Variants in VAMP7 observed in about 807,000 individuals in gnomAD.
VAMP7 encodes vesicle associated membrane protein 7.
In VAMP7, 14 loss-of-function variants were observed where a neutral mutation model predicts 29.6. The ratio of observed to expected loss-of-function variants is 0.47; its 90% CI spans 0.31 to 0.74. VAMP7 has a LOEUF of 0.74. Among genes scored for constraint, VAMP7 ranks in the 30% least tolerant of loss-of-function variants. The pLI, the probability that VAMP7 is intolerant of heterozygous loss-of-function variation, is 0.05. For synonymous variants in VAMP7, 95 were observed against 88.1 expected (o/e 1.08, Z -0.44); for missense variants, 223 against 262.4 (o/e 0.85, Z 1.04).
At chrX:155,899,542 G>GCACACA (rs34027276) in intron 4 of VAMP7, among the ~76,000 whole-genome samples, 3 of 150,334 alleles carry the variant, frequency 2.0e-5, no homozygotes, top group African/African-American at 4.9e-5. Context: ...TAAATTTTAT[G>GCACACA]CACACACACA....
intron 2 of VAMP7, among the ~76,000 whole-genome samples, chrX:155,892,246 C>T (rs186508959): frequency 6.6e-6 from 1 of 152,062 alleles, no homozygotes; most frequent in South Asian, 2.1e-4. Flanking sequence ...CTGTTCTCCC[C>T]CTAAGCCTCC....
chrX:155,938,498 C>T (rs1460037298), intron 6 of VAMP7, among the ~76,000 whole-genome samples: 2 of 152,138 alleles, frequency 1.3e-5, no homozygotes, highest in East Asian at 1.9e-4. Context: ...AAGCATACAA[C>T]TTGTTGTGTT....
chrX:155,908,919 A>C (rs2376578), intron 5 of VAMP7, among the ~76,000 whole-genome samples: 91,381 of 151,628 alleles, frequency 0.6, 27,610 homozygotes, highest in East Asian at 0.67. Flanking sequence ...TCCTGGGCTC[A>C]GGTAATCTTC....
rs759887584 is a variant in VAMP7, at chrX:155,942,077, T to C, written c.*126T>C. 6.4e-7 allele frequency: 1 copy of C among 1,572,572 alleles called. No homozygotes were observed. Among genetic ancestry groups the C allele is most frequent in the East Asian group, 2.4e-5 (1 of 42,290 alleles). ...AGTCTCTTCAACCCTCTTCTCACTT[T>C]TTAAAATCTTGTTCCATGCCTCCAG... On this transcript the variant is annotated 3_prime_UTR_variant, in exon 8 of 8. Coordinates refer to ENST00000286448, the MANE Select transcript of VAMP7 (RefSeq NM_005638.6).
intron 1 of VAMP7, among the ~76,000 whole-genome samples, chrX:155,886,647 C>T (rs2065869013): frequency 6.6e-6 from 1 of 152,132 alleles, no homozygotes; most frequent in Non-Finnish European, 1.5e-5. Context: ...ATCTCCATGT[C>T]TCTCACCCAT....
chrX:155,920,907 A>G (rs745826200), intron 6 of VAMP7, among the ~76,000 whole-genome samples: 2 of 152,278 alleles, frequency 1.3e-5, no homozygotes, highest in East Asian at 3.9e-4. Flanking sequence ...AGGAGTTTAT[A>G]AACAGTTTTT....
At chrX:155,910,005 T>A (rs2066214141) in intron 5 of VAMP7, among the ~76,000 whole-genome samples, 1 of 152,096 alleles carries the variant, frequency 6.6e-6, no homozygotes, top group Non-Finnish European at 1.5e-5. Context: ...TTGTTAACTT[T>A]AGTCACCCTA....
chrX:155,893,275 C>T (rs1249511847), intron 2 of VAMP7, among the ~76,000 whole-genome samples: 2 of 152,048 alleles, frequency 1.3e-5, no homozygotes, highest in Non-Finnish European at 2.9e-5. Context: ...GTCTAGTAGA[C>T]AGTAGTGTAG....
chrX:155,931,480 C>T (rs1308560304), intron 6 of VAMP7, among the ~76,000 whole-genome samples: 1 of 152,136 alleles, frequency 6.6e-6, no homozygotes, highest in East Asian at 1.9e-4. Flanking sequence ...AGCATTTTTT[C>T]ATGTGTCTGT....
chrX:155,904,128 T>C (rs1176585826), intron 5 of VAMP7, among the ~76,000 whole-genome samples: 1 of 144,422 alleles, frequency 6.9e-6, no homozygotes, highest in Non-Finnish European at 1.5e-5. Context: ...CACCGCATGT[T>C]CTCACTCATA....
intron 5 of VAMP7, among the ~76,000 whole-genome samples, chrX:155,917,017 T>C (rs1231230400): frequency 2.6e-5 from 4 of 152,184 alleles, no homozygotes; most frequent in African/African-American, 9.6e-5. Context: ...TTTGGTCTTT[T>C]CATATAGTCC....
intron 6 of VAMP7, among the ~76,000 whole-genome samples, chrX:155,939,322 C>T (rs1311577966): frequency 6.6e-6 from 1 of 152,098 alleles, no homozygotes; most frequent in African/African-American, 2.4e-5. Flanking sequence ...GGCTCAAAGC[C>T]CCGGAATTAT....
At chrX:155,909,441 G>A (rs2066202072) in intron 5 of VAMP7, among the ~76,000 whole-genome samples, 1 of 151,988 alleles carries the variant, frequency 6.6e-6, no homozygotes, top group South Asian at 2.1e-4. Context: ...TGGTTTCATA[G>A]ATTTTTTTTC....
At chrX:155,934,592 G>T (rs1001063370) in intron 6 of VAMP7, among the ~76,000 whole-genome samples, 52 of 152,168 alleles carry the variant, frequency 3.4e-4, no homozygotes, top group African/African-American at 1.2e-3. Context: ...GCCTATGTGT[G>T]TCTCTGCACA....
intron 6 of VAMP7, among the ~76,000 whole-genome samples, chrX:155,932,839 G>T (rs1219334974): frequency 1.3e-5 from 2 of 152,068 alleles, no homozygotes; most frequent in Non-Finnish European, 2.9e-5. Flanking sequence ...TATTGGCTGT[G>T]GGTTTGTCAT....
chrX:155,899,599 G>T (rs1337635724), intron 4 of VAMP7, among the ~76,000 whole-genome samples: 5 of 151,720 alleles, frequency 3.3e-5, no homozygotes, highest in African/African-American at 1.2e-4. Context: ...CTTTAAATTG[G>T]TTACTTATAA....
intron 5 of VAMP7, among the ~76,000 whole-genome samples, chrX:155,913,366 C>T (rs2066265709): frequency 6.6e-6 from 1 of 152,076 alleles, no homozygotes; most frequent in Non-Finnish European, 1.5e-5. Context: ...TGCAGAAGCT[C>T]TTTGCTTTAA....
chrX:155,933,950 G>A (rs935871673), intron 6 of VAMP7, among the ~76,000 whole-genome samples: 30 of 152,172 alleles, frequency 2.0e-4, no homozygotes, highest in South Asian at 6.2e-4. Flanking sequence ...CATTCATTTC[G>A]TTATGTACCC....
chrX:155,942,079 T>A lies in VAMP7; in HGVS notation c.*128T>A, dbSNP rs1569454002. On this transcript the variant is annotated 3_prime_UTR_variant, in exon 8 of 8. Coordinates refer to ENST00000286448, the MANE Select transcript of VAMP7 (RefSeq NM_005638.6). ...TCTCTTCAACCCTCTTCTCACTTTT[T>A]AAAATCTTGTTCCATGCCTCCAGGT... 1 of 1,569,886 alleles carries A rather than the reference T, an allele frequency of 6.4e-7. No individual in the cohort carries two copies. Among genetic ancestry groups the A allele is most frequent in the Non-Finnish European group, 8.6e-7 (1 of 1,156,326 alleles).
Sources: allele counts gnomAD v4.1 joint callset (sites outside exome capture counted in the v4.1 genomes callset), GRCh38; gene constraint gnomAD v4.1.1; transcripts MANE v1.5; gene names NCBI Gene and HGNC (gene_info 2026-07-23, HGNC 2026-07-21).